OGDH: variants seen among roughly 807,000 people sequenced by gnomAD.
OGDH encodes oxoglutarate dehydrogenase.
A neutral mutation model predicts 116.6 loss-of-function variants in OGDH; 38 were observed. That is an observed-to-expected ratio of 0.33 (90% CI 0.25 to 0.43). The LOEUF is 0.43. OGDH is among the 20% of genes least tolerant of loss of function. The probability of loss-of-function intolerance (pLI) is 1.00; values close to 1 mark genes in which losing one functional copy is unlikely to be tolerated. For missense variants in OGDH, 825 were observed against 1,357.2 expected, an observed-to-expected ratio of 0.61 and a Z score of 6.16; for synonymous variants, 488 against 533.3, an observed-to-expected ratio of 0.92 and a Z score of 1.17.
At position 44,674,375 on chromosome 7, in the gene OGDH, A is replaced by G. The variant is rs186997249; in HGVS notation, c.789-36A>G. On this transcript the variant is annotated intron_variant, in intron 6 of 22. Transcript: ENST00000222673. ...CCCCTCTTTTTGGTCAGGAAGAGTG[A>G]CATTGCCCTTCAAGGTGGCTTGGTT... 4.0e-5 allele frequency: 64 copies of G among 1,613,360 alleles called. No individual in the cohort carries two copies. In the Middle Eastern group the frequency reaches 6.6e-4, roughly 17 times the overall value.
intron 10 of OGDH, among the ~76,000 whole-genome samples, chr7:44,682,364 A>G (rs866135146): frequency 2.0e-5 from 3 of 151,780 alleles, no homozygotes; most frequent in South Asian, 4.2e-4. Context: ...CAGCCTGGAC[A>G]ACAAGAGCGA....
rs117266863 is a variant in OGDH, at chr7:44,704,071, C to A, written c.2632+2456C>A. On this transcript the variant is annotated intron_variant, in intron 20 of 22. Coordinates refer to ENST00000222673, the MANE Select transcript of OGDH (RefSeq NM_002541.4). ...TGCTTTCAGTTCTTTTGAATATGTA[C>A]TCAGAAGTGGAATTGCTGGACCATA... is the stretch of plus-strand genomic sequence containing the variant. Among the ~76,000 whole-genome samples, 39 of 152,276 alleles carry A rather than the reference C, an allele frequency of 2.6e-4. No homozygotes were observed. In the East Asian group the frequency reaches 6.9e-3, roughly 27 times the overall value.
rs1475407566 is a variant in OGDH at position 44,673,795 on chromosome 7, C to T, written c.642C>T (p.Tyr214=). ...GTTTCTGTATGGAATAGATGGCCTACTGCCAGCATATTGGGGTGGAGTTCA... is the reference window on the plus strand; with the variant it reads ...GTTTCTGTATGGAATAGATGGCCTATTGCCAGCATATTGGGGTGGAGTTCA... ...REIIRRLEMA[Y]CQHIGVEFMF... is the part of the protein sequence containing the mutation. The change falls in exon 6 of 23, where the codon TAC becomes TAT. Residue 214 remains tyrosine (Y), a synonymous_variant. Transcript: ENST00000222673. 6.2e-7 allele frequency: 1 copy of T among 1,614,134 alleles called. No individual in the cohort carries two copies. Among genetic ancestry groups the T allele is most frequent in the Non-Finnish European group, 8.5e-7 (1 of 1,180,040 alleles).
intron 4 of OGDH, among the ~76,000 whole-genome samples, chr7:44,660,795 G>A (rs926686828): frequency 5.3e-5 from 8 of 152,002 alleles, no homozygotes; most frequent in Non-Finnish European, 8.8e-5. Flanking sequence ...AAGCATGATC[G>A]CGCGTGCCTG....
intron 14 of OGDH, 86 bp downstream of exon 14, chr7:44,696,643 C>A (rs1200102272): frequency 6.4e-7 from 1 of 1,561,030 alleles, no homozygotes; most frequent in Non-Finnish European, 8.7e-7. Flanking sequence ...TGGCCCCCAC[C>A]CATCATGTGT....
At chr7:44,646,711 CT>C (rs1269902464) in intron 3 of OGDH, among the ~76,000 whole-genome samples, 1 of 152,106 alleles carries the variant, frequency 6.6e-6, no homozygotes, top group Non-Finnish European at 1.5e-5. Flanking sequence ...TTTCTTTCTC[CT>C]TTTGGTTTTT....
chr7:44,652,533 G>C (rs1786496881), intron 4 of OGDH, among the ~76,000 whole-genome samples: 1 of 152,082 alleles, frequency 6.6e-6, no homozygotes, highest in Admixed American at 6.5e-5. Flanking sequence ...AGAGGGTTGA[G>C]AGTTCCAACA....
Position 44,707,533 on chromosome 7 carries a change from C to T in OGDH, c.2797-49C>T. The stretch of plus-strand genomic sequence containing the variant: ...ACCAGTTTCCCTTTGCTGGATCTTG[C>T]CTGCCCTCTGAGTTTCCTCTTTTTG... On this transcript the variant is annotated intron_variant, in intron 21 of 22. Coordinates refer to ENST00000222673, the MANE Select transcript of OGDH (RefSeq NM_002541.4). The surrounding 1 kb of genome is among the most constrained non-coding windows in gnomAD (Gnocchi z 5.2). The T allele has an allele frequency of 6.2e-7, 1 of 1,607,770 alleles. No homozygotes were observed. Among genetic ancestry groups the T allele is most frequent in the East Asian group, 2.2e-5 (1 of 44,832 alleles).
chr7:44,697,809 AC>A lies in OGDH; in HGVS notation c.2358+29del. The A allele has an allele frequency of 6.2e-7, 1 of 1,602,762 alleles. No homozygotes were observed. ...TGAGCCTCTGGCCCTTCCCTGCCAG[AC>A]CTAGGACTTGGGAAGGGCCTGTGTA... On this transcript the variant is annotated intron_variant, in intron 17 of 22. Coordinates refer to ENST00000222673, the MANE Select transcript of OGDH (RefSeq NM_002541.4). The surrounding 1 kb of genome is among the most constrained non-coding windows in gnomAD (Gnocchi z 6.0).
chr7:44,642,832 GA>G (rs1250141737), intron 2 of OGDH, among the ~76,000 whole-genome samples: 1 of 151,398 alleles, frequency 6.6e-6, no homozygotes, highest in Non-Finnish European at 1.5e-5. Flanking sequence ...TGAGGCAGGA[GA>G]ATCGCTTGAA....
intron 2 of OGDH, among the ~76,000 whole-genome samples, chr7:44,626,201 A>G (rs907151870): frequency 6.7e-6 from 1 of 148,664 alleles, no homozygotes. Flanking sequence ...CAAATTGCCC[A>G]GAAGAAGTGC....
At chr7:44,656,285 C>A in intron 4 of OGDH, 1 of 1,535,106 alleles carries the variant, frequency 6.5e-7, no homozygotes, top group African/African-American at 1.4e-5. Flanking sequence ...TTTCCTTCTG[C>A]GCTCACCCAT....
intron 2 of OGDH, among the ~76,000 whole-genome samples, chr7:44,631,574 C>G (rs1785441617): frequency 6.6e-6 from 1 of 152,218 alleles, no homozygotes; most frequent in Non-Finnish European, 1.5e-5. Context: ...CAGTATTTCA[C>G]TCTTAAGCAG....
At chr7:44,692,721 G>A (rs1788414504) in intron 10 of OGDH, among the ~76,000 whole-genome samples, 1 of 152,114 alleles carries the variant, frequency 6.6e-6, no homozygotes, top group South Asian at 2.1e-4. Flanking sequence ...AACTGGTAGG[G>A]AATGTTATGA....
At chr7:44,627,046 G>A (rs1006332067) in intron 2 of OGDH, among the ~76,000 whole-genome samples, 17 of 152,244 alleles carry the variant, frequency 1.1e-4, no homozygotes, top group Middle Eastern at 3.4e-3. Flanking sequence ...GCTCAGACTG[G>A]AGTGCAGTGG....
intron 1 of OGDH, among the ~76,000 whole-genome samples, chr7:44,611,889 C>T (rs980104096): frequency 1.3e-5 from 2 of 151,312 alleles, no homozygotes; most frequent in Admixed American, 1.3e-4. Flanking sequence ...CCTAAAGACT[C>T]AAGATCAAAT....
In OGDH at chr7:44,708,084, G is replaced by A. The variant is rs1048093756; in HGVS notation, c.*85G>A. On this transcript the variant is annotated 3_prime_UTR_variant, in exon 23 of 23. Transcript: ENST00000222673. Reference sequence around the variant, plus strand: ...CTCAACTAAAGAATAGTGCCTCAGCGCTGCCCACACCACCGCCCTCCTCGC... The same window carrying A: ...CTCAACTAAAGAATAGTGCCTCAGCACTGCCCACACCACCGCCCTCCTCGC... 1.2e-5 allele frequency: 18 copies of A among 1,523,274 alleles called. No homozygotes were observed. The highest frequency in any genetic ancestry group is 5.5e-5 in the African/African-American group (4 of 72,858). 94.4% of individuals were successfully genotyped at this position (1,523,274 alleles called of 1,614,324 possible). A position where few individuals can be genotyped will look rare whatever the true frequency, so the allele number is the denominator to read the frequency against.
chr7:44,680,539 TACACACACACAC>T (rs56718274), intron 9 of OGDH, among the ~76,000 whole-genome samples: 12,695 of 145,916 alleles, frequency 0.087, 641 homozygotes, highest in Non-Finnish European at 0.12. Context: ...TTTTATTGCA[TACACACACACAC>T]ACACACACAC....
chr7:44,606,928 G>C (rs1345501937), intron 1 of OGDH, among the ~76,000 whole-genome samples: 1 of 152,054 alleles, frequency 6.6e-6, no homozygotes, highest in African/African-American at 2.4e-5. Context: ...CGCGCGGGGC[G>C]CGGAGCGACG....
Sources: gnomAD v4.1 joint callset for allele counts (sites outside exome capture counted in the v4.1 genomes callset) on GRCh38, gnomAD v4.1.1 for gene constraint, Gnocchi (gnomAD v3.1) non-coding constraint, MANE v1.5 for transcripts, NCBI Gene and HGNC (gene_info 2026-07-23, HGNC 2026-07-21) for gene names.